The following JPH3 variants were observed in gnomAD, a reference collection of about 807,000 sequenced individuals.
JPH3 encodes the protein junctophilin 3, also known as junctophilin-3.
In JPH3, 11 loss-of-function variants were observed where a neutral mutation model predicts 59.6. The observed-to-expected ratio is 0.18, with a 90% confidence interval of 0.12 to 0.31. The LOEUF (loss-of-function observed/expected upper bound fraction) is 0.31. Among genes scored for constraint, JPH3 ranks in the 10% least tolerant of loss-of-function variants. The probability of loss-of-function intolerance (pLI) is 1.00; values close to 1 mark genes in which losing one functional copy is unlikely to be tolerated. For missense variants in JPH3, 1,202 were observed against 1,105.7 expected (o/e 1.09, Z -1.24); for synonymous variants, 673 against 483.6 (o/e 1.39, Z -5.14).
chr16:87,696,573 C>T lies in JPH3; in HGVS notation c.2167-7C>T. ...GTCGCTCACCTCTTCCCCTCGCTCT[C>T]TTCCAGGGCTCAGCGCCTATCCTGG... On this transcript the variant is annotated splice_polypyrimidine_tract_variant and splice_region_variant and intron_variant, in intron 4 of 4. Transcript: ENST00000284262. 2 of 1,612,738 alleles carry T rather than the reference C, an allele frequency of 1.2e-6. No individual in the cohort carries two copies. The highest frequency in any genetic ancestry group is 1.1e-5 in the South Asian group (1 of 91,066).
In JPH3 at chr16:87,696,639, G is replaced by A; in HGVS notation, c.2226G>A (p.Leu742=). ...VILLNIGVAI[L]FINFFI ...TGCTCAACATCGGAGTCGCCATTCT[G>A]TTTATTAACTTTTTCATCTGATGAG... The change falls in exon 5 of 5, where the codon CTG becomes CTA. Residue 742 remains leucine, a synonymous_variant. Coordinates refer to ENST00000284262, the MANE Select transcript of JPH3 (RefSeq NM_020655.4). The A allele has an allele frequency of 6.2e-7, 1 of 1,613,496 alleles. No individual in the cohort carries two copies. The highest frequency in any genetic ancestry group is 8.5e-7 in the Non-Finnish European group (1 of 1,179,800).
intron 2 of JPH3, among the ~76,000 whole-genome samples, chr16:87,672,069 G>A (rs1296764670): frequency 1.3e-5 from 2 of 152,142 alleles, no homozygotes; most frequent in Admixed American, 6.5e-5. Context: ...GCTCAACCGG[G>A]GTCTAGGCTC....
intron 4 of JPH3, among the ~76,000 whole-genome samples, chr16:87,691,096 C>G (rs1197155131): frequency 6.6e-6 from 1 of 150,624 alleles, no homozygotes; most frequent in Non-Finnish European, 1.5e-5. Flanking sequence ...ACCCCCCCCC[C>G]AAATTCGTTC....
rs138873843 is a variant in JPH3 at position 87,632,635 on chromosome 16, C to G, written c.383-11623C>G. On this transcript the variant is annotated intron_variant, in intron 1 of 4. Transcript: ENST00000284262. ...TGGCTGGGTGCAGCGACTCACGCCT[C>G]TAATCCCAGCACTTTGGGAGGCCAA... Among the ~76,000 whole-genome samples, 788 of 152,280 alleles carry G rather than the reference C, an allele frequency of 5.2e-3. 7 individuals carry two copies. Among genetic ancestry groups the G allele is most frequent in the African/African-American group, 0.018 (744 of 41,558 alleles).
rs1294473371 is a variant in JPH3 at position 87,611,777 on chromosome 16, C to G, written c.382+8249C>G. 6.6e-6 allele frequency among the ~76,000 whole-genome samples: 1 copy of G among 152,164 alleles called. No individual in the cohort carries two copies. The highest frequency in any genetic ancestry group is 1.5e-5 in the Non-Finnish European group (1 of 68,034). On this transcript the variant is annotated intron_variant, in intron 1 of 4. Transcript: ENST00000284262. This position sits in a 1 kb window ranked among gnomAD's most constrained non-coding sequence, Gnocchi z 4.5. Reference sequence around the variant, plus strand: ...GCCACCCAAGAATTTATATTTCTTACAAATTTCAGGCGATGCTGAGGCTGC... The same window carrying G: ...GCCACCCAAGAATTTATATTTCTTAGAAATTTCAGGCGATGCTGAGGCTGC...
At chr16:87,641,004 G>GA (rs1218250715) in intron 1 of JPH3, among the ~76,000 whole-genome samples, 1 of 152,230 alleles carries the variant, frequency 6.6e-6, no homozygotes, top group Non-Finnish European at 1.5e-5. Context: ...CCCCAGCCTG[G>GA]AAGGGCGTTC....
In JPH3 at chr16:87,644,826, C is replaced by T. The variant is rs775157268; in HGVS notation, c.951C>T (p.Ser317=). The T allele has an allele frequency of 1.2e-5, 19 of 1,613,246 alleles. No homozygotes were observed. Among genetic ancestry groups the T allele is most frequent in the African/African-American group, 1.3e-5 (1 of 74,846 alleles). ...TCAAGTACGAGGGCGAGTGGGCCAGCAACCGGCGCCATGGCTACGGCTGCA... is the reference window on the plus strand; with the variant it reads ...TCAAGTACGAGGGCGAGTGGGCCAGTAACCGGCGCCATGGCTACGGCTGCA... The part of the protein sequence containing the change: ...DGLKYEGEWA[S]NRRHGYGCMT... Residue 317 remains serine, a synonymous_variant, in exon 2 of 5, where the codon AGC becomes AGT. Coordinates refer to ENST00000284262, the MANE Select transcript of JPH3 (RefSeq NM_020655.4).
chr16:87,696,582 C>T lies in JPH3; in HGVS notation c.2169C>T (p.Gly723=). 2 of 1,613,140 alleles carry T rather than the reference C, an allele frequency of 1.2e-6. No individual in the cohort carries two copies. The highest frequency in any genetic ancestry group is 1.7e-6 in the Non-Finnish European group (2 of 1,179,786). Residue 723 remains glycine (G), a splice_region_variant and synonymous_variant, in exon 5 of 5, where the codon GGC becomes GGT. Transcript: ENST00000284262. ...CTCTTCCCCTCGCTCTCTTCCAGGG[C>T]TCAGCGCCTATCCTGGTGGTCATGG... The part of the protein sequence containing the change: ...ENGDELKSST[G]SAPILVVMVI...
chr16:87,666,989 C>T (rs893068375), intron 2 of JPH3, among the ~76,000 whole-genome samples: 3 of 152,166 alleles, frequency 2.0e-5, no homozygotes, highest in Non-Finnish European at 4.4e-5. Context: ...ACCACAAAAC[C>T]GGAGGCTTAA....
At chr16:87,693,299 T>C (rs531700658) in intron 4 of JPH3, among the ~76,000 whole-genome samples, 3 of 152,350 alleles carry the variant, frequency 2.0e-5, no homozygotes, top group East Asian at 3.9e-4. Context: ...GACCCTCCTC[T>C]CTGAGCTGCA....
intron 1 of JPH3, among the ~76,000 whole-genome samples, chr16:87,609,599 T>G (rs1414526012): frequency 1.3e-5 from 2 of 152,206 alleles, no homozygotes; most frequent in African/African-American, 4.8e-5. Flanking sequence ...TAGAAGTTGC[T>G]CTGAAGTCTA....
intron 2 of JPH3, among the ~76,000 whole-genome samples, chr16:87,646,525 A>T (rs1392581896): frequency 1.3e-5 from 2 of 152,230 alleles, no homozygotes; most frequent in African/African-American, 4.8e-5. Context: ...TCATAAATGT[A>T]ATACTTGTTC....
rs554539483 is a variant in JPH3, at chr16:87,651,351, A to G, written c.1160+6316A>G. Among the ~76,000 whole-genome samples the G allele has an allele frequency of 3.3e-5, 5 of 152,342 alleles. No individual in the cohort carries two copies. The South Asian group carries it at 8.3e-4, about 25-fold the overall frequency. ...AGCATGCAGCTGTGGATCAAGGACTAATTTTGACTTTGAGGTCTTATTATT... is the reference window on the plus strand; with the variant it reads ...AGCATGCAGCTGTGGATCAAGGACTGATTTTGACTTTGAGGTCTTATTATT... On this transcript the variant is annotated intron_variant, in intron 2 of 4. Transcript: ENST00000284262.
rs1597293671 is a variant in JPH3 at position 87,689,960 on chromosome 16, G to A, written c.1600G>A (p.Glu534Lys). Residue 534 changes from glutamate to lysine, a missense_variant, in exon 4 of 5, where the codon GAG becomes AAG. Physicochemically the swap from Glu to Lys is moderately conservative, Grantham distance 56. Coordinates refer to ENST00000284262, the MANE Select transcript of JPH3 (RefSeq NM_020655.4). ...CTGCGCCCGCAGCAGCTGGGGCGAGGAGCAGGCCGGGGGCTCCAGGGGTGT... is the reference window on the plus strand; with the variant it reads ...CTGCGCCCGCAGCAGCTGGGGCGAGAAGCAGGCCGGGGGCTCCAGGGGTGT... The part of the protein sequence containing the change: ...GDCARSSWGE[E>K]QAGGSRGVRS... 6.9e-7 allele frequency: 1 copy of A among 1,452,310 alleles called. No individual in the cohort carries two copies. The highest frequency in any genetic ancestry group is 9.0e-7 in the Non-Finnish European group (1 of 1,105,678). The allele number at this position is 1,452,310 out of a possible 1,614,324, so 90.0% of individuals were successfully genotyped here. A position where few individuals can be genotyped will look rare whatever the true frequency, so the allele number is the denominator to read the frequency against.
intron 4 of JPH3, 49 bp from the exon 5 acceptor site, chr16:87,696,531 C>A: frequency 6.6e-7 from 1 of 1,521,868 alleles, no homozygotes; most frequent in Non-Finnish European, 9.1e-7. Context: ...GTGGCCCAGG[C>A]AGAGCCCCCC....
chr16:87,618,255 G>C (rs2031045961), intron 1 of JPH3, among the ~76,000 whole-genome samples: 1 of 152,206 alleles, frequency 6.6e-6, no homozygotes, highest in Non-Finnish European at 1.5e-5. Flanking sequence ...AAATGCACAG[G>C]ATGGAGCCTA....
intron 1 of JPH3, among the ~76,000 whole-genome samples, chr16:87,632,822 G>A (rs891422874): frequency 6.6e-6 from 1 of 152,070 alleles, no homozygotes; most frequent in African/African-American, 2.4e-5. Context: ...GAACCTGGGA[G>A]GTGGAAGTTG....
intron 1 of JPH3, among the ~76,000 whole-genome samples, chr16:87,622,262 G>C (rs1370605334): frequency 6.6e-6 from 1 of 152,236 alleles, no homozygotes; most frequent in Non-Finnish European, 1.5e-5. Flanking sequence ...TGATGGCTCA[G>C]GGGAAGTTTC....
chr16:87,650,306 C>G (rs997210322), intron 2 of JPH3, among the ~76,000 whole-genome samples: 2 of 152,148 alleles, frequency 1.3e-5, no homozygotes, highest in African/African-American at 2.4e-5. Flanking sequence ...CACATCGCAC[C>G]CATATAAGAC....
Sources: allele counts gnomAD v4.1 joint callset (sites outside exome capture counted in the v4.1 genomes callset), GRCh38; gene constraint gnomAD v4.1.1; non-coding constraint Gnocchi (gnomAD v3.1); transcripts MANE v1.5; gene names NCBI Gene and HGNC (gene_info 2026-07-23, HGNC 2026-07-21).